PNPT1: variants seen among roughly 807,000 people sequenced by gnomAD.
PNPT1 encodes polyribonucleotide nucleotidyltransferase 1, mitochondrial.
In PNPT1, 53 loss-of-function variants were observed where a neutral mutation model predicts 119.5. That is an observed-to-expected ratio of 0.44 (90% confidence interval 0.36 to 0.56). The LOEUF (loss-of-function observed/expected upper bound fraction) is 0.56. Ranked by LOEUF, PNPT1 falls within the 20% of genes least tolerant of loss-of-function variation. The pLI is 0.00. For synonymous variants in PNPT1, 357 were observed against 322.1 expected (o/e 1.11, Z -1.16); for missense variants, 948 against 938.5 (o/e 1.01, Z -0.13).
chr2:55,658,912 C>T (rs1210715877), intron 15 of PNPT1, among the ~76,000 whole-genome samples: 1 of 152,182 alleles, frequency 6.6e-6, no homozygotes, highest in Non-Finnish European at 1.5e-5. Context: ...TACACAAAAA[C>T]GAAATGACTT....
intron 25 of PNPT1, among the ~76,000 whole-genome samples, chr2:55,641,982 C>T (rs1218617263): frequency 6.6e-6 from 1 of 151,980 alleles, no homozygotes; most frequent in Non-Finnish European, 1.5e-5. Flanking sequence ...GCTGGGATTA[C>T]AGGCATGCAC....
Position 55,671,375 on chromosome 2 carries a change from A to G in PNPT1, c.920T>C (p.Val307Ala). 6.6e-7 allele frequency: 1 copy of G among 1,526,670 alleles called. No individual in the cohort carries two copies. Among genetic ancestry groups the G allele is most frequent in the Non-Finnish European group, 8.8e-7 (1 of 1,133,556 alleles). The allele number at this position is 1,526,670 out of a possible 1,614,324, so 94.6% of individuals were successfully genotyped here. The change falls in exon 11 of 28, where the codon GTT becomes GCT. Residue 307 changes from valine (V) to alanine (A), a missense_variant and splice_region_variant. Physicochemically the swap from Val to Ala is moderately conservative, Grantham distance 64 (BLOSUM62 0). Coordinates refer to ENST00000447944, the MANE Select transcript of PNPT1 (RefSeq NM_033109.5). Reference sequence around the variant, plus strand: ...TTTGTTAACAGCTTCATCTCTGGAAACCTAAAAGAAAGTTGAGGTTCAGTT... The same window carrying G: ...TTTGTTAACAGCTTCATCTCTGGAAGCCTAAAAGAAAGTTGAGGTTCAGTT... ...AVFTDYEHDK[V>A]SRDEAVNKIR...
chr2:55,646,382 A>G (rs1312619952), intron 20 of PNPT1, 33 bp downstream of exon 20: 2 of 1,603,882 alleles, frequency 1.2e-6, no homozygotes, highest in East Asian at 2.2e-5. Context: ...TTTAAATGTT[A>G]CAAAAATGAA....
At chr2:55,675,269 GGA>G (rs1159850700) in intron 8 of PNPT1, among the ~76,000 whole-genome samples, 3 of 151,380 alleles carry the variant, frequency 2.0e-5, no homozygotes, top group Non-Finnish European at 4.4e-5. Flanking sequence ...ATAGAGTTGA[GGA>G]GAGTTGAGAA....
chr2:55,640,075 A>G, intron 26 of PNPT1, among the ~76,000 whole-genome samples: 1 of 152,032 alleles, frequency 6.6e-6, no homozygotes. Context: ...TTCTTGTTGC[A>G]TGGATTATCT....
At position 55,637,602 on chromosome 2, in the gene PNPT1, G is replaced by T; in HGVS notation, c.2149-3C>A. Reference sequence around the variant, plus strand: ...CCTAGGGCAGTAGGATGTTTAATCTGGAAAAAAAAATGTTAATCTATTAGT... The same window carrying T: ...CCTAGGGCAGTAGGATGTTTAATCTTGAAAAAAAAATGTTAATCTATTAGT... On this transcript the variant is annotated splice_region_variant and splice_polypyrimidine_tract_variant and intron_variant, in intron 26 of 27. Transcript: ENST00000447944. 6.3e-7 allele frequency: 1 copy of T among 1,596,148 alleles called. No individual in the cohort carries two copies. The highest frequency in any genetic ancestry group is 8.6e-7 in the Non-Finnish European group (1 of 1,165,162).
At chr2:55,643,505 G>A (rs530965088) in intron 23 of PNPT1, 80 bp from the exon 24 acceptor site, 3 of 1,247,454 alleles carry the variant, frequency 2.4e-6, no homozygotes, top group African/African-American at 3.0e-5. Flanking sequence ...AGCACTCTGG[G>A]GGGCTGAGGT....
Position 55,672,032 on chromosome 2 carries a change from C to T in PNPT1, c.881G>A (p.Arg294Lys), listed in dbSNP as rs1297361251. Reference protein sequence around the residue: ...VKYTHKLAMERLYAVFTDYEH... With the variant: ...VKYTHKLAMEKLYAVFTDYEH... The stretch of plus-strand genomic sequence containing the variant: ...GTAATCTGTAAAAACTGCATAGAGT[C>T]TCTCCATAGCAAGTCTATTTAAGCA... Residue 294 changes from arginine (R) to lysine (K), a missense_variant, in exon 10 of 28, where the codon AGA becomes AAA. Arg to Lys is a conservative substitution (Grantham distance 26). Coordinates refer to ENST00000447944, the MANE Select transcript of PNPT1 (RefSeq NM_033109.5). 1 of 1,598,548 alleles carries T rather than the reference C, an allele frequency of 6.3e-7. No individual in the cohort carries two copies. Among genetic ancestry groups the T allele is most frequent in the African/African-American group, 1.3e-5 (1 of 74,138 alleles).
At chr2:55,678,564 T>C (rs1269079919) in intron 8 of PNPT1, among the ~76,000 whole-genome samples, 1 of 152,184 alleles carries the variant, frequency 6.6e-6, no homozygotes, top group Non-Finnish European at 1.5e-5. Context: ...GTAAGTCAGA[T>C]AAGTTGGCCA....
At chr2:55,655,969 C>A (rs1161612666) in intron 17 of PNPT1, among the ~76,000 whole-genome samples, 162 bp downstream of exon 17, 1 of 152,168 alleles carries the variant, frequency 6.6e-6, no homozygotes, top group African/African-American at 2.4e-5. Flanking sequence ...TAGCTAAGAA[C>A]AGAGATTAAG....
chr2:55,644,619 A>G lies in PNPT1; in HGVS notation c.1906+18T>C, dbSNP rs1316045310. On this transcript the variant is annotated intron_variant, in intron 23 of 27. Transcript: ENST00000447944. The stretch of plus-strand genomic sequence containing the variant: ...CTAGCATTTAATTAAAAAACCCCAA[A>G]CTTCATACAACTCTTACCTGTTTCA... The G allele has an allele frequency of 5.7e-6, 9 of 1,571,082 alleles. No homozygotes were observed. The East Asian group carries it at 1.3e-4, about 24-fold the overall frequency.
intron 15 of PNPT1, among the ~76,000 whole-genome samples, chr2:55,657,304 G>C (rs1157187438): frequency 1.3e-5 from 2 of 151,828 alleles, no homozygotes; most frequent in Non-Finnish European, 2.9e-5. Flanking sequence ...ACTTCAGCCT[G>C]TGGAACAGAG....
At chr2:55,673,377 G>A (rs1172604855) in intron 8 of PNPT1, among the ~76,000 whole-genome samples, 3 of 150,612 alleles carry the variant, frequency 2.0e-5, no homozygotes, top group Non-Finnish European at 3.0e-5. Context: ...TTAAAAATAA[G>A]TTTTATTGAG....
At chr2:55,656,056 T>A (rs1053888208) in intron 17 of PNPT1, 75 bp downstream of exon 17, 37 of 1,518,136 alleles carry the variant, frequency 2.4e-5, no homozygotes, top group Middle Eastern at 2.4e-4. Context: ...AAATGTAACA[T>A]TACATTTGAA....
intron 5 of PNPT1, among the ~76,000 whole-genome samples, chr2:55,682,712 A>C (rs1177390903): frequency 6.6e-6 from 1 of 152,106 alleles, no homozygotes; most frequent in Non-Finnish European, 1.5e-5. Context: ...GTTCAAGACC[A>C]GCCTGGCTTA....
chr2:55,691,529 T>C (rs1004419650), intron 1 of PNPT1, among the ~76,000 whole-genome samples: 5 of 152,196 alleles, frequency 3.3e-5, no homozygotes, highest in African/African-American at 1.2e-4. Flanking sequence ...TAAAAAGAAC[T>C]ACCTACAAAA....
intron 11 of PNPT1, among the ~76,000 whole-genome samples, chr2:55,670,468 G>T (rs1426219975): frequency 7.2e-5 from 11 of 152,188 alleles, no homozygotes; most frequent in African/African-American, 2.7e-4. Flanking sequence ...TTACAGGCGT[G>T]AGCCACCGCG....
At chr2:55,643,100 T>G (rs1572795808) in intron 25 of PNPT1, 58 bp downstream of exon 25, 1 of 1,576,174 alleles carries the variant, frequency 6.3e-7, no homozygotes. Flanking sequence ...GGTGGCAGGG[T>G]GAGACCCTGT....
At chr2:55,647,863 T>G (rs1696049838) in intron 18 of PNPT1, among the ~76,000 whole-genome samples, 1 of 152,170 alleles carries the variant, frequency 6.6e-6, no homozygotes, top group East Asian at 1.9e-4. Flanking sequence ...TTGCCTAAAT[T>G]GACAATCACC....
Sources: allele counts gnomAD v4.1 joint callset (sites outside exome capture counted in the v4.1 genomes callset), GRCh38; gene constraint gnomAD v4.1.1; transcripts MANE v1.5; gene names NCBI Gene and HGNC (gene_info 2026-07-23, HGNC 2026-07-21).